LPAR1: variants seen among roughly 807,000 people sequenced by gnomAD.
LPAR1 encodes the protein LPA receptor 1.
In LPAR1, 5 loss-of-function variants were observed where a neutral mutation model predicts 23.8. The observed-to-expected ratio is 0.21, with a 90% CI of 0.11 to 0.44. The LOEUF (loss-of-function observed/expected upper bound fraction) is 0.44. Among genes scored for constraint, LPAR1 ranks in the 20% least tolerant of loss-of-function variants. The pLI is 0.99. For missense variants in LPAR1, 311 were observed against 482.8 expected (o/e 0.64, Z 3.33); for synonymous variants, 160 against 164.7 (o/e 0.97, Z 0.22).
intron 4 of LPAR1, among the ~76,000 whole-genome samples, chr9:110,961,746 C>A (rs2095996782): frequency 6.6e-6 from 1 of 151,946 alleles, no homozygotes; most frequent in Non-Finnish European, 1.5e-5. Context: ...TCGTACATGG[C>A]CGCAGGCAAG....
chr9:111,037,833 G>T (rs2066812210), intron 1 of LPAR1: 3 of 152,204 alleles, frequency 2.0e-5, no homozygotes, highest in Admixed American at 2.0e-4. Context: ...GCCCCGGGGC[G>T]CACTGACCTG....
At chr9:110,955,651 A>C (rs1177983861) in intron 4 of LPAR1, among the ~76,000 whole-genome samples, 1 of 151,982 alleles carries the variant, frequency 6.6e-6, no homozygotes, top group Non-Finnish European at 1.5e-5. Context: ...CCCAGAATAG[A>C]CCACATAAAA....
chr9:110,949,684 C>T (rs1314932459), intron 4 of LPAR1, among the ~76,000 whole-genome samples: 1 of 152,100 alleles, frequency 6.6e-6, no homozygotes, highest in African/African-American at 2.4e-5. Flanking sequence ...AGAGTAAGAA[C>T]AACATGAATT....
chr9:110,961,501 T>A (rs1016136454), intron 4 of LPAR1, among the ~76,000 whole-genome samples: 6 of 150,156 alleles, frequency 4.0e-5, no homozygotes, highest in African/African-American at 1.5e-4. Flanking sequence ...ACACTTGTAG[T>A]CCCAGCTACT....
chr9:110,929,934 C>T (rs1038464649), intron 5 of LPAR1, among the ~76,000 whole-genome samples: 1 of 152,028 alleles, frequency 6.6e-6, no homozygotes, highest in Non-Finnish European at 1.5e-5. Flanking sequence ...AATGATGCTT[C>T]GAGTTGCAAA....
chr9:110,977,822 G>A (rs796849419), intron 2 of LPAR1, among the ~76,000 whole-genome samples: 868 of 31,678 alleles, frequency 0.027, 20 homozygotes, highest in Middle Eastern at 0.05. Context: ...GAGGGAGGGC[G>A]GGAGGGAGGG....
intron 5 of LPAR1, among the ~76,000 whole-genome samples, chr9:110,924,894 G>C (rs753611347): frequency 9.9e-5 from 15 of 151,882 alleles, no homozygotes; most frequent in Non-Finnish European, 2.2e-4. Context: ...TGGTACTTTT[G>C]TCACCTTTTG....
At chr9:110,990,880 G>A (rs996047069) in intron 2 of LPAR1, among the ~76,000 whole-genome samples, 2 of 152,096 alleles carry the variant, frequency 1.3e-5, no homozygotes, top group Admixed American at 1.3e-4. Context: ...AAAATTGAAA[G>A]AGGGGTCATT....
At chr9:111,012,857 G>A (rs964600310) in intron 2 of LPAR1, among the ~76,000 whole-genome samples, 13 of 152,042 alleles carry the variant, frequency 8.6e-5, no homozygotes, top group African/African-American at 2.9e-4. Flanking sequence ...GGAAAATTTC[G>A]TTTAATAGTA....
chr9:110,881,351 A>C (rs538005417), intron 5 of LPAR1, among the ~76,000 whole-genome samples: 1 of 152,310 alleles, frequency 6.6e-6, no homozygotes, highest in South Asian at 2.1e-4. Context: ...AACACCATAC[A>C]GAGCTCTAAA....
intron 2 of LPAR1, among the ~76,000 whole-genome samples, chr9:110,979,579 T>C (rs2096626807): frequency 6.6e-6 from 1 of 152,088 alleles, no homozygotes; most frequent in Non-Finnish European, 1.5e-5. Context: ...TTTTTAACTG[T>C]AAGGATATTA....
rs1050676998 is a variant in LPAR1 at position 110,920,565 on chromosome 9, T to A, written c.793+20856A>T. On this transcript the variant is annotated intron_variant, in intron 5 of 5. Transcript: ENST00000683809. ...AGAATAACAATCTTCTTTTCCTTTT[T>A]TTCTTCCCTTCCTCTTTTGTTTTTA... Among the ~76,000 whole-genome samples, 30 of 152,212 alleles carry A rather than the reference T, an allele frequency of 2.0e-4. 2 individuals are homozygous for A. Among genetic ancestry groups the A allele is most frequent in the African/African-American group, 4.8e-5 (2 of 41,460 alleles).
chr9:111,002,983 AT>A (rs1274311999), intron 2 of LPAR1, among the ~76,000 whole-genome samples: 32 of 152,244 alleles, frequency 2.1e-4, no homozygotes, highest in Admixed American at 1.8e-3. Flanking sequence ...TACAAAAAAA[AT>A]AAATAAATAA....
At chr9:111,002,930 G>A (rs1433516732) in intron 2 of LPAR1, among the ~76,000 whole-genome samples, 1 of 152,132 alleles carries the variant, frequency 6.6e-6, no homozygotes, top group Non-Finnish European at 1.5e-5. Flanking sequence ...CTTGAGGCCA[G>A]GAGTTTGAGA....
At chr9:110,940,612 T>G (rs2095036409) in intron 5 of LPAR1, among the ~76,000 whole-genome samples, 1 of 152,226 alleles carries the variant, frequency 6.6e-6, no homozygotes, top group Non-Finnish European at 1.5e-5. Flanking sequence ...TTTAAAAAAC[T>G]CTCACTCTAC....
intron 2 of LPAR1, among the ~76,000 whole-genome samples, chr9:110,976,698 T>C (rs1201913284): frequency 6.6e-6 from 1 of 152,160 alleles, no homozygotes; most frequent in Non-Finnish European, 1.5e-5. Flanking sequence ...CTGCTGCCTC[T>C]TCTCTTCTTT....
chr9:111,031,237 G>C (rs1445431516), intron 2 of LPAR1, among the ~76,000 whole-genome samples: 1 of 151,878 alleles, frequency 6.6e-6, no homozygotes, highest in African/African-American at 2.4e-5. Context: ...CATTAGTGAA[G>C]CAAAGCACCA....
intron 5 of LPAR1, among the ~76,000 whole-genome samples, chr9:110,904,123 T>G (rs1414479202): frequency 6.6e-6 from 1 of 152,132 alleles, no homozygotes; most frequent in Non-Finnish European, 1.5e-5. Context: ...ACAAAAGGAC[T>G]GTGTTGCTGG....
chr9:110,926,859 A>G (rs2094076679), intron 5 of LPAR1, among the ~76,000 whole-genome samples: 1 of 152,198 alleles, frequency 6.6e-6, no homozygotes, highest in South Asian at 2.1e-4. Flanking sequence ...AAAATTGAGC[A>G]AGGACAGGTT....
Sources: gnomAD v4.1 joint callset for allele counts (sites outside exome capture counted in the v4.1 genomes callset) on GRCh38, gnomAD v4.1.1 for gene constraint, MANE v1.5 for transcripts, NCBI Gene and HGNC (gene_info 2026-07-23, HGNC 2026-07-21) for gene names.